DAPK1: variants seen among roughly 807,000 people sequenced by gnomAD.
The protein encoded by DAPK1 is death associated protein kinase 1, also known as death-associated protein kinase 1.
Under a neutral mutation model 144.9 loss-of-function variants are expected in DAPK1, and 56 were observed. The ratio of observed to expected loss-of-function variants is 0.39; its 90% CI spans 0.31 to 0.48. The LOEUF (loss-of-function observed/expected upper bound fraction) is 0.48, where lower values mean the gene tolerates loss of function less well. Ranked by LOEUF, DAPK1 falls within the 20% of genes least tolerant of loss-of-function variation. The pLI is 0.95. For missense variants in DAPK1, 1,454 were observed against 1,875.4 expected (o/e 0.78, Z 4.15); for synonymous variants, 690 against 749.0 (o/e 0.92, Z 1.29).
chr9:87,584,233 C>G (rs1827857043), intron 2 of DAPK1, among the ~76,000 whole-genome samples: 1 of 152,160 alleles, frequency 6.6e-6, no homozygotes, highest in African/African-American at 2.4e-5. Flanking sequence ...TTCAAGAATA[C>G]ATTACATTAT....
intron 3 of DAPK1, among the ~76,000 whole-genome samples, chr9:87,635,580 G>C (rs1439436206): frequency 1.3e-5 from 2 of 152,118 alleles, no homozygotes; most frequent in Non-Finnish European, 2.9e-5. Context: ...TTTCATATTG[G>C]ATCCTGTAGG....
At position 87,631,501 on chromosome 9, in the gene DAPK1, G is replaced by A. The variant is rs530246247; in HGVS notation, c.285-6442G>A. Among the ~76,000 whole-genome samples, 7 of 152,212 alleles carry A rather than the reference G, an allele frequency of 4.6e-5. No homozygotes were observed. The East Asian group carries it at 1.2e-3, about 25-fold the overall frequency. On this transcript the variant is annotated intron_variant, in intron 3 of 25. Transcript: ENST00000408954. ...AGCTCTCTTGGTGAAAACAGCAAAT[G>A]TTCATTAGTATTCATTTCACACGAT...
chr9:87,584,014 GTATTAT>G (rs1165225581), intron 2 of DAPK1, among the ~76,000 whole-genome samples: 1 of 152,086 alleles, frequency 6.6e-6, no homozygotes, highest in African/African-American at 2.4e-5. Context: ...TTTTGTAGCT[GTATTAT>G]TAGTATGCTA....
Position 87,646,057 on chromosome 9 carries a change from C to T in DAPK1, c.1131+43C>T, listed in dbSNP as rs539571230. The stretch of plus-strand genomic sequence containing the variant: ...CGCATACTGGAGGGGTGGGTCACAG[C>T]GACCTTGCCCTTCCATATCCAAGGA... On this transcript the variant is annotated intron_variant, in intron 12 of 25. Transcript: ENST00000408954. The T allele has an allele frequency of 2.4e-5, 38 of 1,591,080 alleles. No homozygotes were observed. The South Asian group carries it at 2.8e-4, about 12-fold the overall frequency.
In DAPK1 at chr9:87,592,295, G is replaced by A. The variant is rs540061260; in HGVS notation, c.63-12659G>A. On this transcript the variant is annotated intron_variant, in intron 2 of 25. Transcript: ENST00000408954. ...AACCACAGCATGGGCTGTAGGAGAG[G>A]TCATTCCTCCTTCTCGCCCACTAGT... Among the ~76,000 whole-genome samples the A allele has an allele frequency of 1.4e-3, 207 of 152,310 alleles. 2 individuals are homozygous for A. Among genetic ancestry groups the A allele is most frequent in the Middle Eastern group, 0.01 (3 of 294 alleles).
chr9:87,532,035 G>A (rs1049278827), intron 2 of DAPK1, among the ~76,000 whole-genome samples: 1 of 152,144 alleles, frequency 6.6e-6, no homozygotes, highest in African/African-American at 2.4e-5. Context: ...AGCTAGGCTC[G>A]ATCTCTTCTT....
Position 87,572,480 on chromosome 9 carries a change from G to A in DAPK1, c.63-32474G>A, listed in dbSNP as rs79601053. On this transcript the variant is annotated intron_variant, in intron 2 of 25. Transcript: ENST00000408954. ...CCTTACCCAGATCTCATGTTGAATTGCAATCCTCCATGTTGGAGGTGGGGC... is the reference window on the plus strand; with the variant it reads ...CCTTACCCAGATCTCATGTTGAATTACAATCCTCCATGTTGGAGGTGGGGC... Among the ~76,000 whole-genome samples the A allele has an allele frequency of 6.0e-3, 916 of 152,280 alleles. 15 individuals are homozygous for A. The highest frequency in any genetic ancestry group is 0.021 in the African/African-American group (886 of 41,546).
chr9:87,611,169 T>TTTC (rs1828909315), intron 3 of DAPK1, among the ~76,000 whole-genome samples: 1 of 152,236 alleles, frequency 6.6e-6, no homozygotes, highest in African/African-American at 2.4e-5. Context: ...TAAAATGATT[T>TTTC]TTTTAAAAAA....
In DAPK1 at chr9:87,539,255, A is replaced by T. The variant is rs565738194; in HGVS notation, c.62+40116A>T. Among the ~76,000 whole-genome samples, 18 of 152,122 alleles carry T rather than the reference A, an allele frequency of 1.2e-4. No homozygotes were observed. The East Asian group carries it at 3.3e-3, about 28-fold the overall frequency. ...AAGCAATTACTGAAGTTTAATATGT[A>T]CGGATGTGTAGTTTAAGACATGGGT... On this transcript the variant is annotated intron_variant, in intron 2 of 25. Transcript: ENST00000408954.
chr9:87,559,847 C>T (rs1826842639), intron 2 of DAPK1, among the ~76,000 whole-genome samples: 1 of 152,128 alleles, frequency 6.6e-6, no homozygotes, highest in Admixed American at 6.5e-5. Context: ...TGTCACCAGA[C>T]TCGTGTGCCC....
At chr9:87,705,657 G>A (rs1410742488) in intron 25 of DAPK1, among the ~76,000 whole-genome samples, 2 of 152,034 alleles carry the variant, frequency 1.3e-5, no homozygotes, top group Non-Finnish European at 2.9e-5. Context: ...ATCTCCTAAG[G>A]AGAAGGATAT....
At chr9:87,669,458 A>G (rs907668032) in intron 19 of DAPK1, among the ~76,000 whole-genome samples, 6 of 152,186 alleles carry the variant, frequency 3.9e-5, no homozygotes, top group Admixed American at 1.3e-4. Flanking sequence ...CGATTTTGCT[A>G]TTATACTCAA....
chr9:87,652,399 A>C (rs1345894083), intron 17 of DAPK1, among the ~76,000 whole-genome samples: 10 of 32,740 alleles, frequency 3.1e-4, no homozygotes, highest in Admixed American at 5.3e-4. Flanking sequence ...GTGTCCTCCC[A>C]CCTGATCCCG....
At chr9:87,665,654 G>T (rs12335796) in intron 18 of DAPK1, among the ~76,000 whole-genome samples, 29,278 of 152,150 alleles carry the variant, frequency 0.19, 3,589 homozygotes, top group African/African-American at 0.34. Context: ...TCTGTGAAGG[G>T]CAGGCTCCTA....
chr9:87,632,346 A>G (rs1380789325), intron 3 of DAPK1: 1 of 984,240 alleles, frequency 1.0e-6, no homozygotes, highest in Non-Finnish European at 1.2e-6. Context: ...GAGGATGAGT[A>G]CATATGTAGG....
At chr9:87,694,008 A>G (rs1301430463) in intron 21 of DAPK1, among the ~76,000 whole-genome samples, 1 of 152,026 alleles carries the variant, frequency 6.6e-6, no homozygotes, top group Non-Finnish European at 1.5e-5. Flanking sequence ...ATATGCTGGT[A>G]CTGATACTAG....
rs568292457 is a variant in DAPK1 at position 87,508,165 on chromosome 9, C to T, written c.62+9026C>T. Among the ~76,000 whole-genome samples the T allele has an allele frequency of 4.5e-4, 68 of 151,930 alleles. No individual in the cohort carries two copies. The South Asian group carries it at 0.011, about 24-fold the overall frequency. ...TAGCTGGGACTACAGGCACCCGCCA[C>T]GACGCCCGGCTAATTTTTGTGTTTT... On this transcript the variant is annotated intron_variant, in intron 2 of 25. Transcript: ENST00000408954.
At chr9:87,698,821 C>G in intron 23 of DAPK1, 27 bp downstream of exon 23, 1 of 1,487,158 alleles carries the variant, frequency 6.7e-7, no homozygotes, top group Non-Finnish European at 9.4e-7. Context: ...TAGTCTCCAG[C>G]TCACGGGTAG....
intron 21 of DAPK1, among the ~76,000 whole-genome samples, chr9:87,691,510 A>T (rs1022387072): frequency 6.6e-6 from 1 of 150,964 alleles, no homozygotes; most frequent in Non-Finnish European, 1.5e-5. Context: ...GACCTTTATT[A>T]TTTCTTTTCT....
Sources: allele counts gnomAD v4.1 joint callset (sites outside exome capture counted in the v4.1 genomes callset), GRCh38; gene constraint gnomAD v4.1.1; transcripts MANE v1.5; gene names NCBI Gene and HGNC (gene_info 2026-07-23, HGNC 2026-07-21).